Variants in SLC11A2 observed in about 807,000 individuals in gnomAD.
The protein encoded by SLC11A2 is solute carrier family 11 member 2, also known as natural resistance-associated macrophage protein 2.
SLC11A2 carries 38 observed loss-of-function variants against 68.0 expected under a neutral mutation model. The observed-to-expected ratio is 0.56, with a 90% CI of 0.43 to 0.73. The LOEUF (loss-of-function observed/expected upper bound fraction) is 0.73. Ranked by LOEUF, SLC11A2 falls within the 30% of genes least tolerant of loss-of-function variation. The probability of loss-of-function intolerance (pLI) is 0.00; values close to 1 mark genes in which losing one functional copy is unlikely to be tolerated. For missense variants in SLC11A2, 517 were observed against 690.5 expected (o/e 0.75, Z 2.82); for synonymous variants, 242 against 250.6 (o/e 0.97, Z 0.32).
downstream of SLC11A2, among the ~76,000 whole-genome samples, chr12:50,983,493 T>C (rs1373021711): frequency 6.6e-6 from 1 of 152,210 alleles, no homozygotes. Flanking sequence ...CATATACTTT[T>C]GGAGCCTTAT....
chr12:50,986,597 C>T lies in SLC11A2; in HGVS notation c.*1728G>A, dbSNP rs748156013. The T allele has an allele frequency of 3.7e-5, 47 of 1,286,766 alleles. No homozygotes were observed. The highest frequency in any genetic ancestry group is 3.7e-5 in the South Asian group (3 of 80,850). The allele number at this position is 1,286,766 out of a possible 1,614,324, so 79.7% of individuals were successfully genotyped here. The stretch of plus-strand genomic sequence containing the variant: ...ATTTTTTTTTTGTCGTCAGTTTGGC[C>T]TTTCCTACTGCAGCCAGGTGAGAGC... On this transcript the variant is annotated 3_prime_UTR_variant, in exon 16 of 16. Coordinates refer to ENST00000262052, the MANE Select transcript of SLC11A2 (RefSeq NM_000617.3).
intron 4 of SLC11A2, 150 bp downstream of exon 4, chr12:51,005,161 C>G: frequency 1.1e-6 from 1 of 928,236 alleles, no homozygotes; most frequent in Non-Finnish European, 1.7e-6. Flanking sequence ...AAAAATAAGA[C>G]CAAATGGAAA....
intron 2 of SLC11A2, chr12:51,009,277 G>T: frequency 7.7e-7 from 1 of 1,297,764 alleles, no homozygotes; most frequent in East Asian, 3.0e-5. Flanking sequence ...AAGTGCCGCC[G>T]GTCACGGGGT....
chr12:51,022,788 C>T (rs1944134998), intron 1 of SLC11A2, among the ~76,000 whole-genome samples: 1 of 152,154 alleles, frequency 6.6e-6, no homozygotes, highest in Non-Finnish European at 1.5e-5. Context: ...TCTTTCATTT[C>T]CTAGGAGTTT....
intron 12 of SLC11A2, 80 bp downstream of exon 12, chr12:50,992,730 C>T: frequency 2.1e-6 from 2 of 947,690 alleles, no homozygotes; most frequent in Non-Finnish European, 3.0e-6. Flanking sequence ...GACTCCATCT[C>T]AAAAAAAAAA....
intron 1 of SLC11A2, among the ~76,000 whole-genome samples, chr12:51,017,966 T>G (rs1319333013): frequency 6.6e-6 from 1 of 152,184 alleles, no homozygotes; most frequent in Non-Finnish European, 1.5e-5. Context: ...TGAAATTATA[T>G]GAAAATTAAG....
intron 14 of SLC11A2, 141 bp from the exon 15 acceptor site, chr12:50,991,089 G>T: frequency 3.7e-6 from 3 of 813,610 alleles, no homozygotes; most frequent in Non-Finnish European, 6.2e-6. Context: ...TTCTTCATAA[G>T]TCTAAGTTAA....
At chr12:50,968,020 G>A in the SLC11A2 span, among the ~76,000 whole-genome samples, 15 of 152,240 alleles carry the variant, frequency 9.9e-5, no homozygotes, top group East Asian at 2.3e-3. Context: ...CCAGGAGGTC[G>A]AGGCTGCATG....
chr12:51,004,819 A>G lies in SLC11A2; in HGVS notation c.398T>C (p.Leu133Pro). Residue 133 changes from leucine (L) to proline (P), a missense_variant, in exon 5 of 16, where the codon CTT becomes CCT. Coordinates refer to ENST00000262052, the MANE Select transcript of SLC11A2 (RefSeq NM_000617.3). Reference sequence around the variant, plus strand: ...ATACTGACGGTGACATACTTCAGCAAGATGCAGCCCAGTAACCACTCCCAG... The same window carrying G: ...ATACTGACGGTGACATACTTCAGCAGGATGCAGCCCAGTAACCACTCCCAG... ...ARLGVVTGLH[L>P]AEVCHRQYPK... 6.2e-7 allele frequency: 1 copy of G among 1,614,100 alleles called. No homozygotes were observed. Among genetic ancestry groups the G allele is most frequent in the Non-Finnish European group, 8.5e-7 (1 of 1,179,990 alleles).
At chr12:51,026,110 T>C in intron 1 of SLC11A2, 200 bp downstream of exon 1, 1 of 1,098,148 alleles carries the variant, frequency 9.1e-7, no homozygotes, top group Non-Finnish European at 1.1e-6. Flanking sequence ...GGTCTTTCTC[T>C]GAATGGCGCG....
downstream of SLC11A2, among the ~76,000 whole-genome samples, chr12:50,975,118 C>T (rs1463523221): frequency 6.6e-6 from 1 of 152,172 alleles, no homozygotes; most frequent in Non-Finnish European, 1.5e-5. Context: ...AGAAATTGAA[C>T]TCAGCTCTGC....
the SLC11A2 span, among the ~76,000 whole-genome samples, chr12:50,955,626 TAA>T: frequency 6.6e-6 from 1 of 152,218 alleles, no homozygotes; most frequent in South Asian, 2.1e-4. Flanking sequence ...AGCAACTTCC[TAA>T]GTGTCATTAT....
the SLC11A2 span, among the ~76,000 whole-genome samples, chr12:50,952,677 G>T: frequency 1.3e-5 from 2 of 152,162 alleles, no homozygotes; most frequent in African/African-American, 4.8e-5. Context: ...GCAGCTCGAG[G>T]CTTTGCAGGA....
the SLC11A2 span, among the ~76,000 whole-genome samples, chr12:50,962,232 TAC>T: frequency 0.43 from 62,500 of 145,984 alleles, 13,790 homozygotes; most frequent in East Asian, 0.88. Context: ...CTAAAAAAAT[TAC>T]ACACACACAC....
intron 1 of SLC11A2, among the ~76,000 whole-genome samples, chr12:51,013,428 T>C (rs980645266): frequency 4.6e-5 from 7 of 151,420 alleles, no homozygotes; most frequent in Admixed American, 4.0e-4. Context: ...GTAGCTAGGA[T>C]TACAGGCGCC....
chr12:50,976,806 C>T (rs1939854772), downstream of SLC11A2, among the ~76,000 whole-genome samples: 1 of 152,118 alleles, frequency 6.6e-6, no homozygotes, highest in African/African-American at 2.4e-5. Context: ...TCTCAGGATA[C>T]AAAAATCAAT....
downstream of SLC11A2, among the ~76,000 whole-genome samples, chr12:50,982,020 T>C (rs985460100): frequency 6.6e-6 from 1 of 152,212 alleles, no homozygotes; most frequent in Non-Finnish European, 1.5e-5. Flanking sequence ...AGGACTGAGA[T>C]GGTACCAAAT....
downstream of SLC11A2, among the ~76,000 whole-genome samples, chr12:50,984,927 T>C (rs1229725482): frequency 6.6e-6 from 1 of 152,146 alleles, no homozygotes; most frequent in Non-Finnish European, 1.5e-5. Context: ...ACAGGATAGT[T>C]TGGGAATGAA....
At chr12:50,959,649 T>C in the SLC11A2 span, among the ~76,000 whole-genome samples, 8 of 131,712 alleles carry the variant, frequency 6.1e-5, no homozygotes, top group Admixed American at 5.2e-4. Flanking sequence ...GTTGGTTTTG[T>C]TTGTTTTTTG....
Sources: gnomAD v4.1 joint callset for allele counts (sites outside exome capture counted in the v4.1 genomes callset) on GRCh38, gnomAD v4.1.1 for gene constraint, MANE v1.5 for transcripts, NCBI Gene and HGNC (gene_info 2026-07-23, HGNC 2026-07-21) for gene names.